CLN6: variants seen among roughly 807,000 people sequenced by gnomAD.
CLN6 encodes the protein CLN6 transmembrane ER protein.
CLN6 carries 22 observed loss-of-function variants against 33.3 expected under a neutral mutation model. The observed-to-expected ratio is 0.66, with a 90% CI of 0.47 to 0.94. CLN6 has a LOEUF of 0.94. CLN6 is among the 40% of genes least tolerant of loss of function. The pLI is 0.00. For missense variants in CLN6, 387 were observed against 417.1 expected, an observed-to-expected ratio of 0.93 and a Z score of 0.63; for synonymous variants, 201 against 174.6, an observed-to-expected ratio of 1.15 and a Z score of -1.19.
rs1892285727 is a variant in CLN6, at chr15:68,242,161, G to A, written c.179+14529C>T. Among the ~76,000 whole-genome samples the A allele has an allele frequency of 6.6e-6, 1 of 152,084 alleles. No individual in the cohort carries two copies. Among genetic ancestry groups the A allele is most frequent in the African/African-American group, 2.4e-5 (1 of 41,414 alleles). ...CTCTGACCAAGAATTCAAAATAGCA[G>A]TTTTAAGGAAACTCAGTGATCTACA... On this transcript the variant is annotated intron_variant, in intron 1 of 6. Transcript: ENST00000538696. This position sits in a 1 kb window ranked among gnomAD's most constrained non-coding sequence, Gnocchi z 5.0.
chr15:68,231,174 T>A (rs906710745), upstream of CLN6, among the ~76,000 whole-genome samples: 1 of 152,214 alleles, frequency 6.6e-6, no homozygotes, highest in Non-Finnish European at 1.5e-5. Context: ...CTTTCTTGGC[T>A]GTGGGAGGCT....
At chr15:68,249,247 A>G (rs1403767615) in intron 1 of CLN6, among the ~76,000 whole-genome samples, 1 of 152,250 alleles carries the variant, frequency 6.6e-6, no homozygotes, top group African/African-American at 2.4e-5. Flanking sequence ...CACAGCTGCT[A>G]TGCAAAGCAA....
chr15:68,218,502 C>G, intron 2 of CLN6, 34 bp downstream of exon 2: 1 of 1,477,706 alleles, frequency 6.8e-7, no homozygotes, highest in Non-Finnish European at 9.5e-7. Context: ...GTCCTCAGTG[C>G]TGGTCAGAGC....
At chr15:68,224,618 CAAAAAAA>C (rs57397347) in intron 1 of CLN6, among the ~76,000 whole-genome samples, 2 of 104,312 alleles carry the variant, frequency 1.9e-5, no homozygotes, top group Non-Finnish European at 3.6e-5. Flanking sequence ...GACTCTGTCT[CAAAAAAA>C]AAAAAAAAAA....
chr15:68,222,124 CCCTTCT>C (rs2093238528), intron 1 of CLN6, among the ~76,000 whole-genome samples: 1 of 142,206 alleles, frequency 7.0e-6, no homozygotes, highest in African/African-American at 2.6e-5. Context: ...ATGTGAGGAG[CCCTTCT>C]GCCCGGCCGC....
At chr15:68,224,292 C>G (rs1359854007) in intron 1 of CLN6, among the ~76,000 whole-genome samples, 44 of 82,200 alleles carry the variant, frequency 5.4e-4, no homozygotes, top group Non-Finnish European at 9.8e-4. Flanking sequence ...AAAAAAAAAG[C>G]AGGCACACAG....
Position 68,229,576 on chromosome 15 carries a change from C to T in CLN6, c.9G>A (p.Ala3=), listed in dbSNP as rs1330485130. ...CTCCCAGGTGCTGCCGCCTCCGCGT[C>T]GCCTCCATGGCTGCCCCGCAGGCCC... ME[A]TRRRQHLGAT... is the part of the protein sequence containing the mutation. Residue 3 remains alanine (A), a synonymous_variant, in exon 1 of 7, where the codon GCG becomes GCA. Coordinates refer to ENST00000249806, the MANE Select transcript of CLN6 (RefSeq NM_017882.3). The T allele has an allele frequency of 1.4e-6, 2 of 1,466,820 alleles. No homozygotes were observed. Among genetic ancestry groups the T allele is most frequent in the East Asian group, 3.0e-5 (1 of 33,074 alleles). 90.9% of individuals were successfully genotyped at this position (1,466,820 alleles called of 1,614,324 possible). A position where few individuals can be genotyped will look rare whatever the true frequency, so the allele number is the denominator to read the frequency against.
At chr15:68,217,198 G>C (rs1419040243) in intron 2 of CLN6, among the ~76,000 whole-genome samples, 1 of 152,172 alleles carries the variant, frequency 6.6e-6, no homozygotes, top group East Asian at 1.9e-4. Context: ...TGTTACTTAT[G>C]AATTATTACT....
chr15:68,208,290 G>A lies in CLN6; in HGVS notation c.786C>T (p.Leu262=). 6.2e-7 allele frequency: 1 copy of A among 1,614,196 alleles called. No individual in the cohort carries two copies. The highest frequency in any genetic ancestry group is 1.3e-5 in the African/African-American group (1 of 75,066). ...RLFLDSNGLF[L]FSSFALTLLL... is the part of the protein sequence containing the mutation. ...AGAGGGTCAGTGCGAAGGAGGAGAAGAGGAAGAGGCCGTTGCTGTCCAGGA... is the reference window on the plus strand; with the variant it reads ...AGAGGGTCAGTGCGAAGGAGGAGAAAAGGAAGAGGCCGTTGCTGTCCAGGA... The change falls in exon 7 of 7, where the codon CTC becomes CTT. Residue 262 remains leucine (L), a synonymous_variant. Coordinates refer to ENST00000249806, the MANE Select transcript of CLN6 (RefSeq NM_017882.3). The surrounding 1 kb of genome is among the most constrained non-coding windows in gnomAD (Gnocchi z 5.8).
At chr15:68,222,249 C>T (rs75668668) in intron 1 of CLN6, among the ~76,000 whole-genome samples, 67,586 of 139,880 alleles carry the variant, frequency 0.48, 17,073 homozygotes, top group Non-Finnish European at 0.55. Flanking sequence ...TCTGCCTGGC[C>T]GCCCCATCTG....
At chr15:68,234,564 G>GAA (rs1218112092), upstream of CLN6, among the ~76,000 whole-genome samples, 2 of 152,154 alleles carry the variant, frequency 1.3e-5, no homozygotes, top group Non-Finnish European at 2.9e-5. This position sits in a 1 kb window ranked among gnomAD's most constrained non-coding sequence, Gnocchi z 4.1. Flanking sequence ...ACCCTGCCTA[G>GAA]AAGCCTGCTG....
chr15:68,225,869 A>T (rs1216642027), intron 1 of CLN6, among the ~76,000 whole-genome samples: 1 of 152,010 alleles, frequency 6.6e-6, no homozygotes, highest in Non-Finnish European at 1.5e-5. Flanking sequence ...GCTACTCGGG[A>T]GGCTGAGGCA....
In CLN6 at chr15:68,211,461, C is replaced by T. The variant is rs1376755290; in HGVS notation, c.487-143G>A. 1 of 1,533,574 alleles carries T rather than the reference C, an allele frequency of 6.5e-7. No individual in the cohort carries two copies. Among genetic ancestry groups the T allele is most frequent in the Non-Finnish European group, 8.9e-7 (1 of 1,122,572 alleles). The allele number at this position is 1,533,574 out of a possible 1,614,324, so 95.0% of individuals were successfully genotyped here. A position where few individuals can be genotyped will look rare whatever the true frequency, so the allele number is the denominator to read the frequency against. On this transcript the variant is annotated intron_variant, in intron 4 of 6. Coordinates refer to ENST00000249806, the MANE Select transcript of CLN6 (RefSeq NM_017882.3). This position sits in a 1 kb window ranked among gnomAD's most constrained non-coding sequence, Gnocchi z 5.9. ...CCTTATTCCCTACCCGGGGCCTCGC[C>T]TTCTGTTACAGGGGCCCAGGTGGGA...
In CLN6 at chr15:68,219,648, A is replaced by G. The variant is rs2093230096; in HGVS notation, c.84-998T>C. Among the ~76,000 whole-genome samples, 1 of 152,174 alleles carries G rather than the reference A, an allele frequency of 6.6e-6. No individual in the cohort carries two copies. The highest frequency in any genetic ancestry group is 6.5e-5 in the Admixed American group (1 of 15,276). On this transcript the variant is annotated intron_variant, in intron 1 of 6. Transcript: ENST00000249806. The surrounding 1 kb of genome is among the most constrained non-coding windows in gnomAD (Gnocchi z 4.2). ...GCAGGGAGCATTTCAACGCCAACCC[A>G]GTCTGGCATAATGGGGCTGGAGCTG...
intron 1 of CLN6, chr15:68,254,906 G>A (rs1892418506): frequency 1.8e-6 from 2 of 1,131,410 alleles, no homozygotes; most frequent in Admixed American, 1.7e-5. Context: ...GCCAAGTGAA[G>A]TGTGTGCATT....
chr15:68,249,623 T>G (rs1892358177), intron 1 of CLN6, among the ~76,000 whole-genome samples: 1 of 114,512 alleles, frequency 8.7e-6, no homozygotes, highest in Non-Finnish European at 2.1e-5. Context: ...AAAAAGTGAA[T>G]CTCATGAAGA....
At chr15:68,254,659 T>C (rs2141168233) in intron 1 of CLN6, 4 of 713,248 alleles carry the variant, frequency 5.6e-6, no homozygotes, top group Non-Finnish European at 7.7e-6. Flanking sequence ...CTGAAGGTGA[T>C]GCTAAAGGAG....
Position 68,218,323 on chromosome 15 carries a change from T to C in CLN6, c.198+213A>G, listed in dbSNP as rs142311868. ...GGACCACCAGTTCCCCCATGAGAGT[T>C]GGGGCAAAGTATGACTCTTCAGGCC... On this transcript the variant is annotated intron_variant, in intron 2 of 6. Coordinates refer to ENST00000249806, the MANE Select transcript of CLN6 (RefSeq NM_017882.3). 4,026 of 498,842 alleles carry C rather than the reference T, an allele frequency of 8.1e-3. 70 individuals carry two copies. The highest frequency in any genetic ancestry group is 0.036 in the South Asian group (1,904 of 52,410). The allele number at this position is 498,842 out of a possible 1,614,324, so 30.9% of individuals were successfully genotyped here.
rs147327418 is a variant in CLN6, at chr15:68,227,420, A to G, written c.83+2082T>C. ...GAATGGGTTACCTTAAGAGGTAGTG[A>G]GCAAAGCACGGATGCAGCAGAGGAA... On this transcript the variant is annotated intron_variant, in intron 1 of 6. Coordinates refer to ENST00000249806, the MANE Select transcript of CLN6 (RefSeq NM_017882.3). The surrounding 1 kb of genome is among the most constrained non-coding windows in gnomAD (Gnocchi z 4.1). Among the ~76,000 whole-genome samples the G allele has an allele frequency of 2.9e-4, 44 of 152,380 alleles. No homozygotes were observed. Among genetic ancestry groups the G allele is most frequent in the African/African-American group, 7.0e-4 (29 of 41,592 alleles).
Sources: allele counts gnomAD v4.1 joint callset (sites outside exome capture counted in the v4.1 genomes callset), GRCh38; gene constraint gnomAD v4.1.1; non-coding constraint Gnocchi (gnomAD v3.1); transcripts MANE v1.5; gene names NCBI Gene and HGNC (gene_info 2026-07-23, HGNC 2026-07-21).